HTR2C: variants seen among roughly 807,000 people sequenced by gnomAD.
HTR2C encodes the protein 5-hydroxytryptamine receptor 2C, also known as 5-hydroxytryptamine (serotonin) receptor 2C, G protein-coupled.
A neutral mutation model predicts 21.0 loss-of-function variants in HTR2C; 5 were observed. That is an observed-to-expected ratio of 0.24 (90% CI 0.12 to 0.50). The LOEUF is 0.50. Ranked by LOEUF, HTR2C falls within the 20% of genes least tolerant of loss-of-function variation. The pLI, the probability that HTR2C is intolerant of heterozygous loss-of-function variation, is 0.98. For synonymous variants in HTR2C, 150 were observed against 145.3 expected, an observed-to-expected ratio of 1.03 and a Z score of -0.23; for missense variants, 271 against 371.2, an observed-to-expected ratio of 0.73 and a Z score of 2.22.
intron 2 of HTR2C, among the ~76,000 whole-genome samples, chrX:114,710,896 G>C (rs1453177258): frequency 2.7e-5 from 3 of 111,302 alleles, no homozygotes; most frequent in Non-Finnish European, 5.7e-5. Context: ...TAATGACTAC[G>C]TTTCCACAAA....
intron 2 of HTR2C, among the ~76,000 whole-genome samples, chrX:114,635,110 A>G (rs1327204399): frequency 9.7e-6 from 1 of 102,698 alleles, no homozygotes; most frequent in African/African-American, 3.3e-5. Context: ...TAAATTATAT[A>G]CTCATTCTGA....
chrX:114,774,440 C>T (rs1465015731), intron 4 of HTR2C, among the ~76,000 whole-genome samples: 2 of 111,477 alleles, frequency 1.8e-5, no homozygotes, highest in African/African-American at 6.5e-5. Flanking sequence ...GTCAACCCAA[C>T]TTTGAAGGGA....
intron 1 of HTR2C, among the ~76,000 whole-genome samples, chrX:114,598,531 T>A (rs1184641144): frequency 9.0e-6 from 1 of 111,494 alleles, no homozygotes. Flanking sequence ...CCTTATATAG[T>A]TAGGAGTCAT....
chrX:114,693,654 G>A (rs942480237), intron 2 of HTR2C, among the ~76,000 whole-genome samples: 1 of 110,832 alleles, frequency 9.0e-6, no homozygotes, highest in Non-Finnish European at 1.9e-5. Context: ...AATTATGAAC[G>A]GCATTAATGA....
intron 4 of HTR2C, among the ~76,000 whole-genome samples, chrX:114,740,716 C>CTT (rs2069636581): frequency 1.8e-5 from 2 of 111,235 alleles, no homozygotes; most frequent in African/African-American, 6.5e-5. Flanking sequence ...ATAACATAAC[C>CTT]ACACTGAAGT....
At chrX:114,628,939 A>G (rs1410505167) in intron 2 of HTR2C, among the ~76,000 whole-genome samples, 1 of 112,289 alleles carries the variant, frequency 8.9e-6, no homozygotes, top group Non-Finnish European at 1.9e-5. Flanking sequence ...AATAATGAAC[A>G]TGTATTTTTC....
At chrX:114,888,810 C>T (rs951431526) in intron 5 of HTR2C, among the ~76,000 whole-genome samples, 89 of 112,166 alleles carry the variant, frequency 7.9e-4, no homozygotes, top group African/African-American at 2.8e-3. Context: ...GAGTTCTTCA[C>T]GTGGTCATGC....
intron 4 of HTR2C, among the ~76,000 whole-genome samples, chrX:114,825,845 G>A (rs1277000349): frequency 1.8e-5 from 2 of 111,027 alleles, no homozygotes; most frequent in African/African-American, 3.3e-5. Flanking sequence ...TATTATAAAC[G>A]TTTAGGACTG....
chrX:114,802,394 A>G (rs1343821690), intron 4 of HTR2C, among the ~76,000 whole-genome samples: 1 of 111,655 alleles, frequency 9.0e-6, no homozygotes, highest in East Asian at 2.8e-4. Flanking sequence ...GAGCTTTTGC[A>G]CTGAATTTCT....
chrX:114,685,129 TATTA>T (rs1252247061), intron 2 of HTR2C, among the ~76,000 whole-genome samples: 1 of 111,742 alleles, frequency 8.9e-6, no homozygotes, highest in Non-Finnish European at 1.9e-5. Context: ...AAAAATATTT[TATTA>T]ATTTATAACA....
At chrX:114,607,109 G>A (rs1928491003) in intron 1 of HTR2C, among the ~76,000 whole-genome samples, 1 of 110,164 alleles carries the variant, frequency 9.1e-6, no homozygotes, top group Admixed American at 9.6e-5. Context: ...CTTTTGTGGT[G>A]GAATGTCATC....
chrX:114,819,548 C>A (rs2070613732), intron 4 of HTR2C, among the ~76,000 whole-genome samples: 2 of 112,366 alleles, frequency 1.8e-5, no homozygotes, highest in African/African-American at 6.5e-5. Context: ...CCCATGTTTA[C>A]TTTGGGATGA....
intron 2 of HTR2C, among the ~76,000 whole-genome samples, chrX:114,683,172 G>T (rs1316345714): frequency 9.0e-6 from 1 of 111,510 alleles, no homozygotes; most frequent in Non-Finnish European, 1.9e-5. Flanking sequence ...ATCAGTGGTT[G>T]TTACATACCC....
intron 2 of HTR2C, among the ~76,000 whole-genome samples, chrX:114,619,458 CAT>C (rs1199009689): frequency 9.0e-6 from 1 of 111,531 alleles, no homozygotes; most frequent in Non-Finnish European, 1.9e-5. Context: ...TCTTCAGCAT[CAT>C]ATATTCCCTC....
At chrX:114,632,956 G>T (rs1929691189) in intron 2 of HTR2C, among the ~76,000 whole-genome samples, 1 of 111,143 alleles carries the variant, frequency 9.0e-6, no homozygotes, top group African/African-American at 3.3e-5. Flanking sequence ...AACACAGAAT[G>T]AATGCTATTT....
At chrX:114,815,798 A>G (rs1556454243) in intron 4 of HTR2C, among the ~76,000 whole-genome samples, 3 of 105,294 alleles carry the variant, frequency 2.8e-5, no homozygotes, top group Non-Finnish European at 5.9e-5. Flanking sequence ...TATGACTTTT[A>G]TGGCTACTCT....
intron 1 of HTR2C, among the ~76,000 whole-genome samples, chrX:114,613,509 A>G (rs950994544): frequency 9.0e-6 from 1 of 110,650 alleles, no homozygotes; most frequent in African/African-American, 3.3e-5. Flanking sequence ...CTGACCTCCT[A>G]TCTCATCCTG....
At chrX:114,698,459 A>ACAC (rs1932351479) in intron 2 of HTR2C, among the ~76,000 whole-genome samples, 1 of 9,087 alleles carries the variant, frequency 1.1e-4, no homozygotes, top group Admixed American at 2.6e-3. Context: ...CACACACACA[A>ACAC]ACACACACAC....
intron 4 of HTR2C, among the ~76,000 whole-genome samples, chrX:114,785,595 A>T: frequency 9.0e-6 from 1 of 111,563 alleles, no homozygotes; most frequent in Middle Eastern, 4.2e-3. Context: ...TATGGAAAAA[A>T]AATCAGGCCA....
Sources: gnomAD v4.1 joint callset for allele counts (sites outside exome capture counted in the v4.1 genomes callset) on GRCh38, gnomAD v4.1.1 for gene constraint, MANE v1.5 for transcripts, NCBI Gene and HGNC (gene_info 2026-07-23, HGNC 2026-07-21) for gene names.